Variants in KRTAP10-9 observed in about 807,000 individuals in gnomAD.
The protein encoded by KRTAP10-9 is keratin associated protein 10-9.
In KRTAP10-9, 1 loss-of-function variant was observed where a neutral mutation model predicts 0.5. The ratio of observed to expected loss-of-function variants is 1.92; its 90% CI spans 0.68 to 9.09. The LOEUF (loss-of-function observed/expected upper bound fraction) is 9.09. KRTAP10-9 is among the 30% of genes most tolerant of loss of function. The probability of loss-of-function intolerance (pLI) is 0.13; values close to 1 mark genes in which losing one functional copy is unlikely to be tolerated. For synonymous variants in KRTAP10-9, 199 were observed against 159.8 expected, an observed-to-expected ratio of 1.25 and a Z score of -1.85; for missense variants, 391 against 376.4, an observed-to-expected ratio of 1.04 and a Z score of -0.32.
chr21:44,627,650 A>C lies in KRTAP10-9; in HGVS notation c.479A>C (p.Tyr160Ser), dbSNP rs781982070. The change falls in exon 1 of 1, where the codon TAT becomes TCT. Residue 160 changes from tyrosine to serine, a missense_variant. Coordinates refer to ENST00000397911, the MANE Select transcript of KRTAP10-9 (RefSeq NM_198690.3). Reference protein sequence around the residue: ...CCAPTCSEDSYSCCQQSSCQP... With the variant: ...CCAPTCSEDSSSCCQQSSCQP... ...GCGCCCACCTGCTCTGAGGATTCCT[A>C]TTCATGCTGCCAACAGTCTAGCTGC... The C allele has an allele frequency of 6.9e-6, 11 of 1,588,178 alleles. No homozygotes were observed. In the East Asian group the frequency reaches 1.1e-4, roughly 16 times the overall value.
Position 44,627,802 on chromosome 21 carries a change from C to G in KRTAP10-9, c.631C>G (p.Gln211Glu), listed in dbSNP as rs1555934840. 2 of 1,605,266 alleles carry G rather than the reference C, an allele frequency of 1.2e-6. No homozygotes were observed. The highest frequency in any genetic ancestry group is 2.2e-5 in the South Asian group (2 of 90,098). The part of the protein sequence containing the change: ...VCSGASSLCC[Q>E]QSGCQPACCT... ...CTCTGGGGCTTCCTCTTTGTGCTGC[C>G]AGCAGTCTGGCTGCCAGCCGGCTTG... The change falls in exon 1 of 1, where the codon CAG (glutamine) becomes GAG (glutamate). Residue 211 changes from glutamine to glutamate, a missense_variant. Coordinates refer to ENST00000397911, the MANE Select transcript of KRTAP10-9 (RefSeq NM_198690.3).
In KRTAP10-9 at chr21:44,628,219, C is replaced by T. The variant is rs587666529; in HGVS notation, c.*169C>T. ...TCACTGGCTCCTCCCTGACCTCCCC[C>T]CCGGGCAGGCGAGCCCTGGCTTCTC... is the stretch of plus-strand genomic sequence containing the variant. On this transcript the variant is annotated 3_prime_UTR_variant, in exon 1 of 1. Transcript: ENST00000397911. 414 of 761,206 alleles carry T rather than the reference C, an allele frequency of 5.4e-4. 5 individuals are homozygous for T. The African/African-American group carries it at 6.5e-3, about 12-fold the overall frequency. The allele number at this position is 761,206 out of a possible 1,614,324, so 47.2% of individuals were successfully genotyped here. A position where few individuals can be genotyped will look rare whatever the true frequency, so the allele number is the denominator to read the frequency against.
At position 44,628,096 on chromosome 21, in the gene KRTAP10-9, G is replaced by T; in HGVS notation, c.*46G>T. 1 of 1,578,698 alleles carries T rather than the reference G, an allele frequency of 6.3e-7. No individual in the cohort carries two copies. Among genetic ancestry groups the T allele is most frequent in the Non-Finnish European group, 8.6e-7 (1 of 1,161,054 alleles). On this transcript the variant is annotated 3_prime_UTR_variant, in exon 1 of 1. Coordinates refer to ENST00000397911, the MANE Select transcript of KRTAP10-9 (RefSeq NM_198690.3). Reference sequence around the variant, plus strand: ...AGCCGGGCTCAGGCCCCACCTCCCTGCCAGTCCTTGGACCTCCCAGCCCAC... The same window carrying T: ...AGCCGGGCTCAGGCCCCACCTCCCTTCCAGTCCTTGGACCTCCCAGCCCAC...
Position 44,627,185 on chromosome 21 carries a change from C to A in KRTAP10-9, c.14C>A (p.Thr5Asn). ...CCCCACCCCAGCATGGCCGCGTCCA[C>A]CATGTCCATCCGCTCCAGCGCTTAC... MAAS[T>N]MSIRSSAYSD... The change falls in exon 1 of 1, where the codon ACC (threonine) becomes AAC (asparagine). Residue 5 changes from threonine (T) to asparagine (N), a missense_variant. Physicochemically the swap from Thr to Asn is moderately conservative, Grantham distance 65 (BLOSUM62 0). Coordinates refer to ENST00000397911, the MANE Select transcript of KRTAP10-9 (RefSeq NM_198690.3). 5 of 1,612,862 alleles carry A rather than the reference C, an allele frequency of 3.1e-6. No individual in the cohort carries two copies. Among genetic ancestry groups the A allele is most frequent in the Non-Finnish European group, 4.2e-6 (5 of 1,179,860 alleles).
rs1982950245 is a variant in KRTAP10-9 at position 44,627,774 on chromosome 21, C to T, written c.603C>T (p.Val201=). 1.2e-6 allele frequency: 2 copies of T among 1,600,454 alleles called. No individual in the cohort carries two copies. Among genetic ancestry groups the T allele is most frequent in the Admixed American group, 1.7e-5 (1 of 57,948 alleles). Residue 201 remains valine, a synonymous_variant, in exon 1 of 1, where the codon GTC becomes GTT. Coordinates refer to ENST00000397911, the MANE Select transcript of KRTAP10-9 (RefSeq NM_198690.3). ...GCAAACCCATCTGCTGTGTGCCTGT[C>T]TGCTCTGGGGCTTCCTCTTTGTGCT... ...VCCKPICCVP[V]CSGASSLCCQ...
In KRTAP10-9 at chr21:44,627,261, C is replaced by G. The variant is rs1982870294; in HGVS notation, c.90C>G (p.Pro30=). The G allele has an allele frequency of 1.2e-6, 2 of 1,612,752 alleles. No individual in the cohort carries two copies. The highest frequency in any genetic ancestry group is 4.5e-5 in the East Asian group (2 of 44,876). The change falls in exon 1 of 1, where the codon CCC becomes CCG. Residue 30 remains proline, a synonymous_variant. Coordinates refer to ENST00000397911, the MANE Select transcript of KRTAP10-9 (RefSeq NM_198690.3). ...GCCCAGAGAGCTGCTGTGAGCCCCC[C>G]TGCTGCGCCACCAGCTGCTGCGCCC... The part of the protein sequence containing the change: ...DDCPESCCEP[P]CCATSCCAPA...
chr21:44,628,046 G>A lies in KRTAP10-9; in HGVS notation c.875G>A (p.Cys292Tyr). The A allele has an allele frequency of 6.2e-7, 1 of 1,611,330 alleles. No homozygotes were observed. The highest frequency in any genetic ancestry group is 2.2e-5 in the East Asian group (1 of 44,834). Residue 292 changes from cysteine to tyrosine, a missense_variant, in exon 1 of 1, where the codon TGC (cysteine) becomes TAC (tyrosine). Coordinates refer to ENST00000397911, the MANE Select transcript of KRTAP10-9 (RefSeq NM_198690.3). ...YSFSSGQKSS[C>Y] ...TTCTCCTCAGGCCAGAAGTCCAGCT[G>A]CTGACGGTCATGTCCCCCAGGGCCA...
At position 44,627,970 on chromosome 21, in the gene KRTAP10-9, T is replaced by C. The variant is rs1555934924; in HGVS notation, c.799T>C (p.Cys267Arg). ...GCCCAGCTATTGCCGCCAGGCCTCC[T>C]GTGTGTCCCTTCTCTGCCGCCCTGT... is the stretch of plus-strand genomic sequence containing the variant. ...RQPSYCRQAS[C>R]VSLLCRPVCS... Residue 267 changes from cysteine (C) to arginine (R), a missense_variant, in exon 1 of 1, where the codon TGT (cysteine) becomes CGT (arginine). Transcript: ENST00000397911. 6.6e-7 allele frequency: 1 copy of C among 1,519,684 alleles called. No homozygotes were observed. The highest frequency in any genetic ancestry group is 8.9e-7 in the Non-Finnish European group (1 of 1,118,082). 94.1% of individuals were successfully genotyped at this position (1,519,684 alleles called of 1,614,324 possible).
rs1555934877 is a variant in KRTAP10-9, at chr21:44,627,883, G to A, written c.712G>A (p.Val238Met). 14 of 1,611,862 alleles carry A rather than the reference G, an allele frequency of 8.7e-6. No individual in the cohort carries two copies. Among genetic ancestry groups the A allele is most frequent in the Non-Finnish European group, 1.1e-5 (13 of 1,178,812 alleles). ...SSSVSLLCRP[V>M]CRPACCVPVS... ...CTCTGTGTCCCTCCTCTGCCGCCCT[G>A]TGTGCAGGCCCGCCTGCTGCGTGCC... Residue 238 changes from valine to methionine, a missense_variant, in exon 1 of 1, where the codon GTG becomes ATG. Val to Met is a conservative substitution (Grantham distance 21). Coordinates refer to ENST00000397911, the MANE Select transcript of KRTAP10-9 (RefSeq NM_198690.3).
Position 44,627,791 on chromosome 21 carries a change from C to T in KRTAP10-9, c.620C>T (p.Ser207Phe), listed in dbSNP as rs1982951975. The T allele has an allele frequency of 6.2e-7, 1 of 1,600,130 alleles. No homozygotes were observed. The highest frequency in any genetic ancestry group is 8.5e-7 in the Non-Finnish European group (1 of 1,171,700). The change falls in exon 1 of 1, where the codon TCT becomes TTT. Residue 207 changes from serine (S) to phenylalanine (F), a missense_variant. Coordinates refer to ENST00000397911, the MANE Select transcript of KRTAP10-9 (RefSeq NM_198690.3). ...CCVPVCSGAS[S>F]LCCQQSGCQP... ...GTGCCTGTCTGCTCTGGGGCTTCCTCTTTGTGCTGCCAGCAGTCTGGCTGC... is the reference window on the plus strand; with the variant it reads ...GTGCCTGTCTGCTCTGGGGCTTCCTTTTTGTGCTGCCAGCAGTCTGGCTGC...
chr21:44,627,928 C>A lies in KRTAP10-9; in HGVS notation c.757C>A (p.Pro253Thr). ...CGTGCCCGTCTCCTCCTGCTGTGCC[C>A]CCACCTCCTCCCGCCAGCCCAGCTA... ...CCVPVSSCCA[P>T]TSSRQPSYCR... is the part of the protein sequence containing the mutation. The change falls in exon 1 of 1, where the codon CCC becomes ACC. Residue 253 changes from proline (P) to threonine (T), a missense_variant. Physicochemically the swap from Pro to Thr is conservative, Grantham distance 38. Transcript: ENST00000397911. The A allele has an allele frequency of 6.6e-7, 1 of 1,519,250 alleles. No homozygotes were observed. The highest frequency in any genetic ancestry group is 8.9e-7 in the Non-Finnish European group (1 of 1,117,616). The allele number at this position is 1,519,250 out of a possible 1,614,324, so 94.1% of individuals were successfully genotyped here.
Position 44,627,218 on chromosome 21 carries a change from C to T in KRTAP10-9, c.47C>T (p.Ser16Phe). Residue 16 changes from serine (S) to phenylalanine (F), a missense_variant, in exon 1 of 1, where the codon TCC (serine) becomes TTC (phenylalanine). Ser to Phe is a radical substitution (Grantham distance 155, BLOSUM62 -2). Transcript: ENST00000397911. ...MSIRSSAYSDSWQVDDCPESC... is the reference protein window; with the variant it reads ...MSIRSSAYSDFWQVDDCPESC... ...ATCCGCTCCAGCGCTTACTCCGACT[C>T]CTGGCAGGTGGACGACTGCCCAGAG... 3 of 1,613,002 alleles carry T rather than the reference C, an allele frequency of 1.9e-6. No individual in the cohort carries two copies. Among genetic ancestry groups the T allele is most frequent in the Non-Finnish European group, 8.5e-7 (1 of 1,180,006 alleles).
Position 44,628,112 on chromosome 21 carries a change from C to T in KRTAP10-9, c.*62C>T. 5.8e-6 allele frequency: 9 copies of T among 1,549,498 alleles called. No homozygotes were observed. The highest frequency in any genetic ancestry group is 2.4e-5 in the South Asian group (2 of 81,694). The stretch of plus-strand genomic sequence containing the variant: ...CACCTCCCTGCCAGTCCTTGGACCT[C>T]CCAGCCCACCCAGCCTCAGCACAGC... On this transcript the variant is annotated 3_prime_UTR_variant, in exon 1 of 1. Transcript: ENST00000397911.
In KRTAP10-9 at chr21:44,628,281, G is replaced by A. The variant is rs1477678146; in HGVS notation, c.*231G>A. 5 of 392,510 alleles carry A rather than the reference G, an allele frequency of 1.3e-5. 1 individual carries two copies. The highest frequency in any genetic ancestry group is 1.0e-4 in the African/African-American group (4 of 39,046). 24.3% of individuals were successfully genotyped at this position (392,510 alleles called of 1,614,324 possible). Reference sequence around the variant, plus strand: ...TCCTGGCTGCAGACCACAACCCTCCGCTGGTCGCTGGTTGGGGACGGGCCC... The same window carrying A: ...TCCTGGCTGCAGACCACAACCCTCCACTGGTCGCTGGTTGGGGACGGGCCC... On this transcript the variant is annotated 3_prime_UTR_variant, in exon 1 of 1. Coordinates refer to ENST00000397911, the MANE Select transcript of KRTAP10-9 (RefSeq NM_198690.3).
chr21:44,627,725 C>T lies in KRTAP10-9; in HGVS notation c.554C>T (p.Pro185Leu). The T allele has an allele frequency of 6.3e-7, 1 of 1,594,658 alleles. No individual in the cohort carries two copies. Among genetic ancestry groups the T allele is most frequent in the Non-Finnish European group, 8.6e-7 (1 of 1,167,258 alleles). ...CCCTGCCAGCAGTCCTACTGTGTGC[C>T]TGTCTGCTGTAAGCCTGTCTGCTGC... ...SSPCQQSYCV[P>L]VCCKPVCCKP... Residue 185 changes from proline to leucine, a missense_variant, in exon 1 of 1, where the codon CCT becomes CTT. By Grantham distance (98) the Pro-to-Leu change is moderately conservative. Transcript: ENST00000397911.
Position 44,627,898 on chromosome 21 carries a change from T to C in KRTAP10-9, c.727T>C (p.Cys243Arg). ...LLCRPVCRPACCVPVSSCCAP... is the reference protein window; with the variant it reads ...LLCRPVCRPARCVPVSSCCAP... ...CTGCCGCCCTGTGTGCAGGCCCGCC[T>C]GCTGCGTGCCCGTCTCCTCCTGCTG... The change falls in exon 1 of 1, where the codon TGC (cysteine) becomes CGC (arginine). Residue 243 changes from cysteine (C) to arginine (R), a missense_variant. Transcript: ENST00000397911. 6 of 1,612,010 alleles carry C rather than the reference T, an allele frequency of 3.7e-6. No homozygotes were observed. Among genetic ancestry groups the C allele is most frequent in the South Asian group, 2.2e-5 (2 of 90,922 alleles).
chr21:44,627,924 T>G lies in KRTAP10-9; in HGVS notation c.753T>G (p.Cys251Trp), dbSNP rs370716785. The change falls in exon 1 of 1, where the codon TGT (cysteine) becomes TGG (tryptophan). Residue 251 changes from cysteine to tryptophan, a missense_variant. Coordinates refer to ENST00000397911, the MANE Select transcript of KRTAP10-9 (RefSeq NM_198690.3). ...PACCVPVSSC[C>W]APTSSRQPSY... ...GCTGCGTGCCCGTCTCCTCCTGCTGTGCCCCCACCTCCTCCCGCCAGCCCA... is the reference window on the plus strand; with the variant it reads ...GCTGCGTGCCCGTCTCCTCCTGCTGGGCCCCCACCTCCTCCCGCCAGCCCA... 3 of 1,518,934 alleles carry G rather than the reference T, an allele frequency of 2.0e-6. No homozygotes were observed. The highest frequency in any genetic ancestry group is 2.7e-6 in the Non-Finnish European group (3 of 1,117,622). 94.1% of individuals were successfully genotyped at this position (1,518,934 alleles called of 1,614,324 possible). A position where few individuals can be genotyped will look rare whatever the true frequency, so the allele number is the denominator to read the frequency against.
At position 44,628,177 on chromosome 21, in the gene KRTAP10-9, C is replaced by T. The variant is rs1983007224; in HGVS notation, c.*127C>T. On this transcript the variant is annotated 3_prime_UTR_variant, in exon 1 of 1. Transcript: ENST00000397911. Reference sequence around the variant, plus strand: ...GCAGCCCCAGCCACAGCCGCCCAGCCCCGGGGTCTCAGATGCTCACTGGCT... The same window carrying T: ...GCAGCCCCAGCCACAGCCGCCCAGCTCCGGGGTCTCAGATGCTCACTGGCT... 15 of 1,227,516 alleles carry T rather than the reference C, an allele frequency of 1.2e-5. No individual in the cohort carries two copies. Among genetic ancestry groups the T allele is most frequent in the Non-Finnish European group, 1.7e-5 (15 of 882,324 alleles). 76.0% of individuals were successfully genotyped at this position (1,227,516 alleles called of 1,614,324 possible). A position where few individuals can be genotyped will look rare whatever the true frequency, so the allele number is the denominator to read the frequency against.
In KRTAP10-9 at chr21:44,627,450, C is replaced by T. The variant is rs782440952; in HGVS notation, c.279C>T (p.Ser93=). Residue 93 remains serine, a synonymous_variant, in exon 1 of 1, where the codon TCC becomes TCT. Transcript: ENST00000397911. ...SSCQPAYCTS[S]PCQQACCVPV... is the part of the protein sequence containing the mutation. ...GCCAGCCGGCTTACTGCACCTCCTC[C>T]CCCTGCCAGCAGGCCTGCTGCGTGC... The T allele has an allele frequency of 3.7e-6, 6 of 1,613,692 alleles. No individual in the cohort carries two copies. The highest frequency in any genetic ancestry group is 2.2e-5 in the South Asian group (2 of 91,048).
Sources: allele counts gnomAD v4.1 joint callset, GRCh38; gene constraint gnomAD v4.1.1; transcripts MANE v1.5; gene names NCBI Gene and HGNC (gene_info 2026-07-23, HGNC 2026-07-21).